The following SOX5 variants were observed in gnomAD, a reference collection of about 807,000 sequenced individuals.
The protein encoded by SOX5 is transcription factor SOX-5.
Under a neutral mutation model 92.0 loss-of-function variants are expected in SOX5, and 9 were observed. The observed-to-expected ratio is 0.10, with a 90% CI of 0.06 to 0.17. The LOEUF (loss-of-function observed/expected upper bound fraction) is 0.17, where lower values mean the gene tolerates loss of function less well. SOX5 is among the 10% of genes least tolerant of loss of function. The pLI is 1.00. For missense variants in SOX5, 642 were observed against 944.5 expected (o/e 0.68, Z 4.20); for synonymous variants, 344 against 336.3 (o/e 1.02, Z -0.25).
In SOX5 at chr12:24,417,063, T is replaced by G. The variant is rs146058855; in HGVS notation, c.-250-48424A>C. On this transcript the variant is annotated intron_variant, in intron 1 of 4. Transcript: ENST00000446891. ...AGGATCCCCATCACCCCAAACATTG[T>G]TGCAACTTTCTCTTTCTCTGTTTCT... is the stretch of plus-strand genomic sequence containing the variant. 3.4e-3 allele frequency among the ~76,000 whole-genome samples: 521 copies of G among 152,306 alleles called. 1 individual carries two copies. Among genetic ancestry groups the G allele is most frequent in the African/African-American group, 0.012 (491 of 41,564 alleles).
chr12:24,481,348 T>C (rs924117979), intron 1 of SOX5, among the ~76,000 whole-genome samples: 43 of 152,250 alleles, frequency 2.8e-4, no homozygotes, highest in African/African-American at 9.4e-4. Context: ...AGACCTAGTA[T>C]ATGATAGCTC....
At chr12:24,156,662 T>C (rs573380526) in intron 4 of SOX5, among the ~76,000 whole-genome samples, 21 of 152,190 alleles carry the variant, frequency 1.4e-4, no homozygotes, top group Non-Finnish European at 2.8e-4. Context: ...TACTCATATA[T>C]TTCATTGCAA....
intron 4 of SOX5, among the ~76,000 whole-genome samples, chr12:24,082,404 GAA>G (rs58736325): frequency 0.16 from 11,453 of 71,892 alleles, 69 homozygotes; most frequent in East Asian, 0.24. Context: ...CTTTCGAAAA[GAA>G]AAAAAAAAAA....
Position 24,525,077 on chromosome 12 carries a change from C to T in SOX5, c.-251+37252G>A, listed in dbSNP as rs1950585002. On this transcript the variant is annotated intron_variant, in intron 1 of 4. Coordinates refer to the SOX5 transcript ENST00000446891. ...TCCAAATGAATTAAAATCAAAATCT[C>T]ACAGACAAATCAGCACTCACATGTT... Among the ~76,000 whole-genome samples the T allele has an allele frequency of 2.6e-5, 4 of 152,322 alleles. No homozygotes were observed. In the South Asian group the frequency reaches 8.3e-4, roughly 32 times the overall value.
At chr12:24,296,528 A>G (rs1196228303) in intron 2 of SOX5, among the ~76,000 whole-genome samples, 3 of 152,220 alleles carry the variant, frequency 2.0e-5, no homozygotes, top group South Asian at 2.1e-4. Context: ...TTCTTGACAC[A>G]GTTGTCACTT....
intron 11 of SOX5, among the ~76,000 whole-genome samples, chr12:23,561,147 AG>A (rs1185824485): frequency 1.3e-5 from 2 of 152,240 alleles, no homozygotes; most frequent in Admixed American, 6.5e-5. Flanking sequence ...AGGTTTTGGA[AG>A]GTATTATTTC....
chr12:23,773,081 A>G (rs2094985832), intron 3 of SOX5, among the ~76,000 whole-genome samples: 2 of 152,014 alleles, frequency 1.3e-5, no homozygotes, highest in Non-Finnish European at 2.9e-5. Flanking sequence ...TATTTCTGCA[A>G]CTCTTGAGTT....
intron 6 of SOX5, among the ~76,000 whole-genome samples, chr12:23,729,827 G>T (rs146077194): frequency 6.6e-6 from 1 of 152,072 alleles, no homozygotes; most frequent in African/African-American, 2.4e-5. Flanking sequence ...ACGCATTGTC[G>T]GATTAGCCCT....
chr12:24,197,925 T>C (rs576707958), intron 4 of SOX5, among the ~76,000 whole-genome samples: 5 of 152,252 alleles, frequency 3.3e-5, no homozygotes, highest in Admixed American at 2.0e-4. Context: ...TATCATTGTA[T>C]GCTCTTAGAC....
intron 4 of SOX5, among the ~76,000 whole-genome samples, chr12:24,052,123 T>C (rs984815985): frequency 6.6e-6 from 1 of 152,154 alleles, no homozygotes; most frequent in African/African-American, 2.4e-5. Flanking sequence ...TTACTGGCTC[T>C]TCTTCATTTA....
At chr12:24,403,218 T>C (rs1424483717) in intron 1 of SOX5, among the ~76,000 whole-genome samples, 1 of 152,210 alleles carries the variant, frequency 6.6e-6, no homozygotes, top group Admixed American at 6.5e-5. Context: ...TATTTCAACT[T>C]ACCTTGTGAA....
intron 8 of SOX5, among the ~76,000 whole-genome samples, chr12:23,620,514 C>T (rs554461439): frequency 9.8e-4 from 149 of 152,040 alleles, no homozygotes; most frequent in African/African-American, 3.5e-3. Context: ...TTTCCTCTTT[C>T]TTGTATAATT....
At position 23,666,932 on chromosome 12, in the gene SOX5, C is replaced by T. The variant is rs560900854; in HGVS notation, c.811-1368G>A. ...GCATTACACATTCCTAGCGTTCTTA[C>T]GATTCTTACAGTTCTCATCATTTCT... On this transcript the variant is annotated intron_variant, in intron 6 of 14. Coordinates refer to ENST00000451604, the MANE Select transcript of SOX5 (RefSeq NM_006940.6). 1.0e-3 allele frequency among the ~76,000 whole-genome samples: 154 copies of T among 152,248 alleles called. 1 individual carries two copies. The highest frequency in any genetic ancestry group is 9.8e-3 in the South Asian group (47 of 4,816).
intron 7 of SOX5, among the ~76,000 whole-genome samples, chr12:23,650,966 G>A (rs1230023109): frequency 1.3e-5 from 2 of 152,026 alleles, no homozygotes; most frequent in Non-Finnish European, 2.9e-5. Flanking sequence ...GGAGAGCAGA[G>A]AATAGCTTTG....
intron 2 of SOX5, among the ~76,000 whole-genome samples, chr12:24,363,100 CCTTA>C (rs201454089): frequency 0.012 from 1,805 of 151,978 alleles, 42 homozygotes; most frequent in African/African-American, 0.039. Context: ...CTAACTTTAT[CCTTA>C]CTGTTATTTA....
At chr12:24,205,682 T>C (rs900854505) in intron 4 of SOX5, among the ~76,000 whole-genome samples, 1 of 152,220 alleles carries the variant, frequency 6.6e-6, no homozygotes, top group African/African-American at 2.4e-5. Context: ...AAGGATTTCA[T>C]GCTAGTAGGA....
chr12:23,648,265 C>G (rs1045207644), intron 7 of SOX5, among the ~76,000 whole-genome samples: 1 of 152,164 alleles, frequency 6.6e-6, no homozygotes, highest in African/African-American at 2.4e-5. Flanking sequence ...TGCAGAATTG[C>G]TATAAACCTT....
intron 3 of SOX5, among the ~76,000 whole-genome samples, chr12:23,802,577 T>A (rs1247497525): frequency 6.6e-6 from 1 of 152,138 alleles, no homozygotes; most frequent in Admixed American, 6.5e-5. Context: ...GAAATCAGCA[T>A]AGCTTGTCTG....
chr12:23,953,790 A>T (rs1384354444), upstream of SOX5, among the ~76,000 whole-genome samples: 4 of 152,208 alleles, frequency 2.6e-5, no homozygotes, highest in African/African-American at 9.6e-5. Flanking sequence ...ATTTTCAGAG[A>T]TGACCAAAGT....
Sources: gnomAD v4.1 joint callset for allele counts (sites outside exome capture counted in the v4.1 genomes callset) on GRCh38, gnomAD v4.1.1 for gene constraint, MANE v1.5 for transcripts, NCBI Gene and HGNC (gene_info 2026-07-23, HGNC 2026-07-21) for gene names.